EPDR1: variants seen among roughly 807,000 people sequenced by gnomAD.
EPDR1 encodes ependymin related 1, also known as mammalian ependymin-related protein 1.
A neutral mutation model predicts 23.7 loss-of-function variants in EPDR1; 27 were observed. That is an observed-to-expected ratio of 1.14 (90% confidence interval 0.84 to 1.57). EPDR1 has a LOEUF of 1.57. Among genes scored for constraint, EPDR1 ranks in the 40% most tolerant of loss-of-function variants. EPDR1 has a pLI of 0.00. For synonymous variants in EPDR1, 137 were observed against 118.2 expected (o/e 1.16, Z -1.03); for missense variants, 349 against 290.4 (o/e 1.20, Z -1.47).
chr7:37,949,158 T>G (rs938060856), intron 2 of EPDR1, 110 bp downstream of exon 2: 60 of 1,052,068 alleles, frequency 5.7e-5, no homozygotes, highest in Non-Finnish European at 8.2e-5. Context: ...AATCAAAAAT[T>G]TTTTAAAGCC....
Position 37,951,150 on chromosome 7 carries a change from G to C in EPDR1, c.*754G>C, listed in dbSNP as rs959882506. 6.6e-6 allele frequency: 1 copy of C among 152,174 alleles called. No homozygotes were observed. The highest frequency in any genetic ancestry group is 1.5e-5 in the Non-Finnish European group (1 of 68,022). The allele number at this position is 152,174 out of a possible 1,614,324, so 9.4% of individuals were successfully genotyped here. On this transcript the variant is annotated 3_prime_UTR_variant, in exon 3 of 3. Transcript: ENST00000199448. Reference sequence around the variant, plus strand: ...ATGCAAGAGTATTGATGTATGTGCTGAATCTTCACAGACTTGTCAATACAC... The same window carrying C: ...ATGCAAGAGTATTGATGTATGTGCTCAATCTTCACAGACTTGTCAATACAC...
chr7:37,932,842 T>A (rs1161955414), intron 1 of EPDR1, among the ~76,000 whole-genome samples: 4 of 152,354 alleles, frequency 2.6e-5, no homozygotes, highest in Non-Finnish European at 5.9e-5. Context: ...TGAAAGAGTA[T>A]TTGCCTACAC....
At chr7:37,932,587 C>T (rs918095874) in intron 1 of EPDR1, among the ~76,000 whole-genome samples, 12 of 152,134 alleles carry the variant, frequency 7.9e-5, no homozygotes, top group South Asian at 2.1e-4. Flanking sequence ...GAAGGGTTTG[C>T]GTGAGTTTAT....
intron 1 of EPDR1, among the ~76,000 whole-genome samples, chr7:37,930,409 A>G (rs1480321528): frequency 2.0e-5 from 3 of 152,240 alleles, no homozygotes; most frequent in Non-Finnish European, 4.4e-5. Flanking sequence ...GAGTACCAGC[A>G]GGCACTCTTG....
Position 37,920,984 on chromosome 7 carries a change from TGCCTGGCTGCTGGGCGGCCTCTGG to T in EPDR1, c.52_75del (p.Leu18_Trp25del), listed in dbSNP as rs1785682405. 6.5e-7 allele frequency: 1 copy of T among 1,548,444 alleles called. No homozygotes were observed. Among genetic ancestry groups the T allele is most frequent in the Non-Finnish European group, 8.7e-7 (1 of 1,151,128 alleles). On this transcript the variant is annotated inframe_deletion, in exon 1 of 3. Coordinates refer to ENST00000199448, the MANE Select transcript of EPDR1 (RefSeq NM_017549.5). ...TCCGCACCGTCCCGGGCGCCCTGGG[TGCCTGGCTGCTGGGCGGCCTCTGG>T]GCCTGGACCCTGTGCGGCCTGTGCA... is the stretch of plus-strand genomic sequence containing the variant.
At chr7:37,926,614 T>G (rs1227304216) in intron 1 of EPDR1, 3 of 446,554 alleles carry the variant, frequency 6.7e-6, no homozygotes, top group Non-Finnish European at 1.4e-5. Flanking sequence ...GGCCAGTTAT[T>G]TTGTAGAATG....
chr7:37,935,032 A>G (rs1010923504), intron 1 of EPDR1, among the ~76,000 whole-genome samples: 3 of 152,252 alleles, frequency 2.0e-5, no homozygotes, highest in Non-Finnish European at 4.4e-5. Flanking sequence ...TACATTGTAT[A>G]AAGATTATAA....
chr7:37,943,942 G>T (rs977327100), intron 1 of EPDR1, among the ~76,000 whole-genome samples: 1 of 152,206 alleles, frequency 6.6e-6, no homozygotes, highest in African/African-American at 2.4e-5. Context: ...GACTGACCAG[G>T]CATCTGTGGC....
intron 1 of EPDR1, chr7:37,921,448 G>A: frequency 7.2e-7 from 1 of 1,384,036 alleles, no homozygotes; most frequent in Non-Finnish European, 9.3e-7. Flanking sequence ...CGAGGCGGTG[G>A]CAGGTAAAGA....
intron 1 of EPDR1, among the ~76,000 whole-genome samples, chr7:37,942,807 A>G (rs531758754): frequency 6.6e-6 from 1 of 152,368 alleles, no homozygotes; most frequent in East Asian, 1.9e-4. Flanking sequence ...TTCAAAAGCA[A>G]GAAAACTTCC....
chr7:37,934,846 G>A (rs779316196), intron 1 of EPDR1, among the ~76,000 whole-genome samples: 4 of 152,070 alleles, frequency 2.6e-5, no homozygotes, highest in Non-Finnish European at 4.4e-5. Context: ...TTGGGAGGCT[G>A]GGGCAGGAAG....
intron 1 of EPDR1, among the ~76,000 whole-genome samples, chr7:37,939,437 A>G (rs1296535212): frequency 6.6e-6 from 1 of 152,188 alleles, no homozygotes; most frequent in Non-Finnish European, 1.5e-5. Context: ...TTTTTGTAAA[A>G]CATCAGTGAT....
chr7:37,933,939 G>A (rs1785994626), intron 1 of EPDR1, among the ~76,000 whole-genome samples: 1 of 151,422 alleles, frequency 6.6e-6, no homozygotes, highest in South Asian at 2.1e-4. Flanking sequence ...GTTTCATCAA[G>A]ACCCCAGGCT....
intron 1 of EPDR1, among the ~76,000 whole-genome samples, chr7:37,936,877 G>A (rs888065664): frequency 2.6e-5 from 4 of 151,996 alleles, no homozygotes; most frequent in African/African-American, 9.7e-5. Context: ...TCCAATAAAT[G>A]CAAAAAAGCA....
intron 1 of EPDR1, 52 bp downstream of exon 1, chr7:37,921,260 G>A: frequency 6.5e-7 from 1 of 1,532,548 alleles, no homozygotes; most frequent in Middle Eastern, 2.0e-4. Context: ...CGGGCATGGG[G>A]AGGGCGAGGT....
chr7:37,931,943 C>T (rs1785950116), intron 1 of EPDR1, among the ~76,000 whole-genome samples: 1 of 152,114 alleles, frequency 6.6e-6, no homozygotes, highest in Admixed American at 6.6e-5. Context: ...CTCCTGACCT[C>T]GTGATCTGCC....
chr7:37,946,480 C>G (rs1478935408), intron 1 of EPDR1, among the ~76,000 whole-genome samples: 1 of 152,110 alleles, frequency 6.6e-6, no homozygotes, highest in African/African-American at 2.4e-5. Context: ...TTCTAATGAT[C>G]AGTGATGTTG....
Position 37,922,214 on chromosome 7 carries a change from G to A in EPDR1, c.269+1006G>A, listed in dbSNP as rs186915038. Among the ~76,000 whole-genome samples the A allele has an allele frequency of 9.9e-5, 15 of 152,230 alleles. No individual in the cohort carries two copies. The East Asian group carries it at 2.3e-3, about 24-fold the overall frequency. On this transcript the variant is annotated intron_variant, in intron 1 of 2. Coordinates refer to ENST00000199448, the MANE Select transcript of EPDR1 (RefSeq NM_017549.5). ...ATGGACTGTAAGATCTATAGCAAAA[G>A]GGCACCATTAGTTTATAGAACAAAA...
Position 37,948,909 on chromosome 7 carries a change from C to T in EPDR1, c.339C>T (p.Cys113=), listed in dbSNP as rs549232565. The T allele has an allele frequency of 2.7e-5, 43 of 1,614,116 alleles. No homozygotes were observed. The East Asian group carries it at 7.8e-4, about 29-fold the overall frequency. Residue 113 remains cysteine, a synonymous_variant, in exon 2 of 3, where the codon TGC becomes TGT. Coordinates refer to ENST00000199448, the MANE Select transcript of EPDR1 (RefSeq NM_017549.5). ...AGATTGACCAAGCCACCAAGCAGTG[C>T]TCAAAGATGACCCTGACACAGCCCT... ...MFQIDQATKQ[C]SKMTLTQPWD...
Sources: allele counts gnomAD v4.1 joint callset (sites outside exome capture counted in the v4.1 genomes callset), GRCh38; gene constraint gnomAD v4.1.1; transcripts MANE v1.5; gene names NCBI Gene and HGNC (gene_info 2026-07-23, HGNC 2026-07-21).